FHIT: variants seen among roughly 807,000 people sequenced by gnomAD.
The protein encoded by FHIT is fragile histidine triad diadenosine triphosphatase.
FHIT carries 19 observed loss-of-function variants against 17.9 expected under a neutral mutation model. The observed-to-expected ratio is 1.06, with a 90% CI of 0.74 to 1.56. The LOEUF is 1.56. FHIT is among the 40% of genes most tolerant of loss of function. FHIT has a pLI of 0.00. For synonymous variants in FHIT, 81 were observed against 69.7 expected, an observed-to-expected ratio of 1.16 and a Z score of -0.81; for missense variants, 248 against 189.2, an observed-to-expected ratio of 1.31 and a Z score of -1.82.
chr3:60,175,112 A>G (rs115866556), intron 5 of FHIT, among the ~76,000 whole-genome samples: 5,244 of 152,276 alleles, frequency 0.034, 285 homozygotes, highest in African/African-American at 0.12. Flanking sequence ...ACACTATGTC[A>G]ACCTATCCAC....
intron 8 of FHIT, among the ~76,000 whole-genome samples, chr3:59,784,961 T>C (rs1702769119): frequency 6.6e-6 from 1 of 152,122 alleles, no homozygotes; most frequent in Non-Finnish European, 1.5e-5. Flanking sequence ...AGCATGATGC[T>C]GGCATCATGG....
intron 5 of FHIT, among the ~76,000 whole-genome samples, chr3:60,111,906 C>T (rs1314940329): frequency 2.0e-5 from 3 of 152,300 alleles, no homozygotes; most frequent in Middle Eastern, 3.4e-3. Context: ...CCTGAAACAC[C>T]GTTCCTTAAG....
At chr3:61,055,912 T>C (rs1229156078) in intron 2 of FHIT, among the ~76,000 whole-genome samples, 1 of 152,222 alleles carries the variant, frequency 6.6e-6, no homozygotes, top group Non-Finnish European at 1.5e-5. Flanking sequence ...AGGCATGCAA[T>C]GTGTAATAAT....
intron 2 of FHIT, among the ~76,000 whole-genome samples, chr3:61,115,212 T>C (rs73839928): frequency 0.037 from 5,610 of 152,244 alleles, 344 homozygotes; most frequent in African/African-American, 0.13. Context: ...CCATTGTGTA[T>C]AATCAGTGGA....
At chr3:60,146,562 A>C (rs12638226) in intron 5 of FHIT, among the ~76,000 whole-genome samples, 30,641 of 152,064 alleles carry the variant, frequency 0.2, 3,335 homozygotes, top group Middle Eastern at 0.33. Context: ...CTTAAAACTA[A>C]ACATTACCAC....
chr3:60,249,949 C>T (rs1460675856), intron 5 of FHIT, among the ~76,000 whole-genome samples: 1 of 152,042 alleles, frequency 6.6e-6, no homozygotes, highest in East Asian at 1.9e-4. Context: ...GTTTATAAAA[C>T]CATCAGATCT....
At chr3:60,878,661 C>A (rs1704801002) in intron 3 of FHIT, among the ~76,000 whole-genome samples, 1 of 152,002 alleles carries the variant, frequency 6.6e-6, no homozygotes, top group African/African-American at 2.4e-5. Flanking sequence ...CACAACAGGC[C>A]CCGGTGTGTG....
At chr3:59,921,684 G>A (rs944240666) in intron 8 of FHIT, among the ~76,000 whole-genome samples, 1 of 152,054 alleles carries the variant, frequency 6.6e-6, no homozygotes, top group Non-Finnish European at 1.5e-5. Flanking sequence ...ATCCATGACA[G>A]GCTGTATGCT....
At chr3:60,181,682 C>A (rs563187174) in intron 5 of FHIT, among the ~76,000 whole-genome samples, 1 of 152,276 alleles carries the variant, frequency 6.6e-6, no homozygotes, top group African/African-American at 2.4e-5. Context: ...AATCTTCATA[C>A]AGATTTGTGA....
At chr3:61,060,354 T>C (rs2034383124) in intron 2 of FHIT, among the ~76,000 whole-genome samples, 1 of 152,180 alleles carries the variant, frequency 6.6e-6, no homozygotes, top group South Asian at 2.1e-4. Context: ...TCAATGACAT[T>C]AAGTAAGGAC....
chr3:59,878,425 C>A (rs991562512), intron 8 of FHIT, among the ~76,000 whole-genome samples: 1 of 152,096 alleles, frequency 6.6e-6, no homozygotes, highest in East Asian at 1.9e-4. Context: ...ATGGGTTTGT[C>A]ACAGGTTGTT....
At chr3:60,437,288 A>G (rs2030357737) in intron 5 of FHIT, among the ~76,000 whole-genome samples, 1 of 152,126 alleles carries the variant, frequency 6.6e-6, no homozygotes, top group African/African-American at 2.4e-5. Context: ...AGGCAGAGAG[A>G]AGGAAGGCAT....
At chr3:61,073,626 G>A (rs1316063216) in intron 2 of FHIT, among the ~76,000 whole-genome samples, 13 of 152,168 alleles carry the variant, frequency 8.5e-5, no homozygotes, top group African/African-American at 1.9e-4. Context: ...CAAAGAATTC[G>A]TGAGTATTCA....
intron 5 of FHIT, among the ~76,000 whole-genome samples, chr3:60,181,459 T>C (rs1005203498): frequency 6.6e-6 from 1 of 152,158 alleles, no homozygotes. Context: ...GATTACAGAT[T>C]ATCCTCATTT....
chr3:60,825,964 G>T (rs1553740815), intron 3 of FHIT, among the ~76,000 whole-genome samples: 1 of 152,016 alleles, frequency 6.6e-6, no homozygotes, highest in Non-Finnish European at 1.5e-5. Flanking sequence ...AAAATGATTT[G>T]GTTTTATCAA....
At position 61,126,041 on chromosome 3, in the gene FHIT, G is replaced by T. The variant is rs1234617646; in HGVS notation, c.-164+74576C>A. 2.0e-5 allele frequency among the ~76,000 whole-genome samples: 3 copies of T among 152,290 alleles called. No individual in the cohort carries two copies. The South Asian group carries it at 6.2e-4, about 32-fold the overall frequency. On this transcript the variant is annotated intron_variant, in intron 2 of 9. Coordinates refer to ENST00000492590, the MANE Select transcript of FHIT (RefSeq NM_002012.4). ...GCTTAGCTAAGTCTTGTCTTCAACAGTGTGGAGCTGGGGCTGGGTTGGGAC... is the reference window on the plus strand; with the variant it reads ...GCTTAGCTAAGTCTTGTCTTCAACATTGTGGAGCTGGGGCTGGGTTGGGAC...
intron 8 of FHIT, among the ~76,000 whole-genome samples, chr3:59,894,514 G>C (rs577145328): frequency 1.8e-4 from 28 of 152,180 alleles, no homozygotes; most frequent in African/African-American, 6.5e-4. Context: ...CTGTGTTTCA[G>C]AATCTGCTCC....
chr3:60,662,164 T>C (rs1283434432), intron 4 of FHIT, among the ~76,000 whole-genome samples: 1 of 152,246 alleles, frequency 6.6e-6, no homozygotes, highest in African/African-American at 2.4e-5. Flanking sequence ...AGAAATTGTA[T>C]GGTTTCAGGT....
intron 5 of FHIT, among the ~76,000 whole-genome samples, chr3:60,147,834 C>T (rs897350099): frequency 7.2e-5 from 11 of 152,098 alleles, no homozygotes; most frequent in African/African-American, 2.4e-4. Context: ...CGAACGACCT[C>T]GGGGAAACAA....
Sources: gnomAD v4.1 joint callset for allele counts (sites outside exome capture counted in the v4.1 genomes callset) on GRCh38, gnomAD v4.1.1 for gene constraint, MANE v1.5 for transcripts, NCBI Gene and HGNC (gene_info 2026-07-23, HGNC 2026-07-21) for gene names.